The following MYOM1 variants were observed in gnomAD, a reference collection of about 807,000 sequenced individuals.
MYOM1 encodes myomesin 1.
MYOM1 carries 164 observed loss-of-function variants against 205.3 expected under a neutral mutation model. The ratio of observed to expected loss-of-function variants is 0.80; its 90% confidence interval spans 0.70 to 0.91. The LOEUF (loss-of-function observed/expected upper bound fraction) is 0.91. MYOM1 is among the 40% of genes least tolerant of loss of function. The pLI is 0.00. For missense variants in MYOM1, 2,011 were observed against 2,127.3 expected, an observed-to-expected ratio of 0.95 and a Z score of 1.08; for synonymous variants, 772 against 789.4, an observed-to-expected ratio of 0.98 and a Z score of 0.37.
chr18:3,083,788 C>T lies in MYOM1; in HGVS notation c.4484+1G>A, dbSNP rs1351205016. 1.3e-6 allele frequency: 2 copies of T among 1,562,250 alleles called. No individual in the cohort carries two copies. The highest frequency in any genetic ancestry group is 1.4e-5 in the African/African-American group (1 of 73,682). Reference sequence around the variant, plus strand: ...CAGCAAGTAAGTTCTCATTTACTTACTTGTGGGACCAGTTAACTTTCAAAT... The same window carrying T: ...CAGCAAGTAAGTTCTCATTTACTTATTTGTGGGACCAGTTAACTTTCAAAT... On this transcript the variant is annotated splice_donor_variant, in intron 33 of 37. Coordinates refer to ENST00000356443, the MANE Select transcript of MYOM1 (RefSeq NM_003803.4). LOFTEE classifies it high-confidence loss of function.
In MYOM1 at chr18:3,180,732, A is replaced by G. The variant is rs181643116; in HGVS notation, c.930-4598T>C. ...ATTGCTAATGAGCTTTCAGTATACT[A>G]TAAGTTTTTCCAGTGACATTTCCTT... On this transcript the variant is annotated intron_variant, in intron 5 of 37. Coordinates refer to ENST00000356443, the MANE Select transcript of MYOM1 (RefSeq NM_003803.4). Among the ~76,000 whole-genome samples, 6 of 152,292 alleles carry G rather than the reference A, an allele frequency of 3.9e-5. No homozygotes were observed. The South Asian group carries it at 6.2e-4, about 16-fold the overall frequency.
chr18:3,081,525 A>G (rs897925677), intron 33 of MYOM1, among the ~76,000 whole-genome samples: 1 of 152,232 alleles, frequency 6.6e-6, no homozygotes, highest in Non-Finnish European at 1.5e-5. Flanking sequence ...CCTAATAGCA[A>G]TTTCCTCAAA....
At chr18:3,186,794 GAAAGAAAGAGAA>G (rs796460948) in intron 5 of MYOM1, among the ~76,000 whole-genome samples, 1 of 84,852 alleles carries the variant, frequency 1.2e-5, no homozygotes, top group African/African-American at 5.9e-5. Context: ...GAGAGAGAAA[GAAAGAAAGAGAA>G]AGAAAGAAAG....
At chr18:3,190,863 CTTTATG>C (rs974408351) in intron 3 of MYOM1, among the ~76,000 whole-genome samples, 2 of 152,124 alleles carry the variant, frequency 1.3e-5, no homozygotes, top group African/African-American at 4.8e-5. Flanking sequence ...AGTAAGAGAA[CTTTATG>C]TTTAAGTTCT....
chr18:3,104,400 A>G (rs1240911417), intron 22 of MYOM1, among the ~76,000 whole-genome samples: 1 of 152,188 alleles, frequency 6.6e-6, no homozygotes, highest in Admixed American at 6.5e-5. Context: ...TCATTGTTCT[A>G]TCTGTGATCC....
rs1427082650 is a variant in MYOM1, at chr18:3,103,835, C to T, written c.3419-1205G>A. Among the ~76,000 whole-genome samples the T allele has an allele frequency of 2.0e-5, 3 of 152,162 alleles. No homozygotes were observed. The East Asian group carries it at 5.8e-4, about 29-fold the overall frequency. ...GGCAGGATGATCTTGGTTCCTGAGC[C>T]TGATAGTTGATCTAACTTGTGTCCG... On this transcript the variant is annotated intron_variant, in intron 22 of 37. Transcript: ENST00000356443.
chr18:3,116,164 G>A (rs2079602091), intron 21 of MYOM1, among the ~76,000 whole-genome samples, 167 bp downstream of exon 21: 1 of 152,174 alleles, frequency 6.6e-6, no homozygotes, highest in African/African-American at 2.4e-5. Flanking sequence ...ACTCTTTCAA[G>A]CATCAGAAAC....
chr18:3,077,734 C>T (rs1182143812), intron 34 of MYOM1, among the ~76,000 whole-genome samples: 2 of 152,144 alleles, frequency 1.3e-5, no homozygotes, highest in Non-Finnish European at 2.9e-5. Context: ...AAACATTTTC[C>T]ACCCACTGAC....
intron 14 of MYOM1, among the ~76,000 whole-genome samples, chr18:3,140,878 TA>T (rs1224039679): frequency 6.6e-6 from 1 of 152,248 alleles, no homozygotes; most frequent in African/African-American, 2.4e-5. Context: ...CACACAATTT[TA>T]TAAAAATAAA....
At chr18:3,191,181 C>T (rs868186552) in intron 3 of MYOM1, among the ~76,000 whole-genome samples, 5 of 152,110 alleles carry the variant, frequency 3.3e-5, no homozygotes, top group Admixed American at 1.3e-4. Context: ...TAAAATCTCC[C>T]GGTACTCTGC....
At chr18:3,111,831 C>A (rs1209874415) in intron 22 of MYOM1, among the ~76,000 whole-genome samples, 2 of 152,078 alleles carry the variant, frequency 1.3e-5, no homozygotes, top group African/African-American at 4.8e-5. Flanking sequence ...ATTATCTGGC[C>A]CTCCACAGAA....
At position 3,215,135 on chromosome 18, in the gene MYOM1, T is replaced by C; in HGVS notation, c.89A>G (p.Gln30Arg). Reference protein sequence around the residue: ...KDVRSTVSHYQREKKRSAVYT... With the variant: ...KDVRSTVSHYRREKKRSAVYT... The stretch of plus-strand genomic sequence containing the variant: ...GACGGCGGAGCGTTTCTTCTCCCGC[T>C]GGTAGTGACTCACGGTGCTGCGCAC... The change falls in exon 2 of 38, where the codon CAG (glutamine) becomes CGG (arginine). Residue 30 changes from glutamine to arginine, a missense_variant. By Grantham distance (43) the Gln-to-Arg change is conservative. Transcript: ENST00000356443. 1 of 1,613,780 alleles carries C rather than the reference T, an allele frequency of 6.2e-7. No individual in the cohort carries two copies. The highest frequency in any genetic ancestry group is 8.5e-7 in the Non-Finnish European group (1 of 1,179,824).
At chr18:3,236,327 G>C in the MYOM1 span, 22 of 152,250 alleles carry the variant, frequency 1.4e-4, 1 homozygote, top group Non-Finnish European at 2.9e-5. Context: ...GTCCAGGCTT[G>C]AGATGAAAAT....
intron 22 of MYOM1, among the ~76,000 whole-genome samples, chr18:3,110,587 A>G (rs562416669): frequency 1.3e-5 from 2 of 152,342 alleles, no homozygotes; most frequent in Admixed American, 1.3e-4. Flanking sequence ...CAGCACATGT[A>G]CAGAAAAGAC....
chr18:3,083,169 A>G (rs916845724), intron 33 of MYOM1, among the ~76,000 whole-genome samples: 5 of 152,198 alleles, frequency 3.3e-5, no homozygotes, highest in African/African-American at 9.7e-5. Flanking sequence ...TCTATGAATT[A>G]TGGTACTTCT....
intron 13 of MYOM1, among the ~76,000 whole-genome samples, chr18:3,147,953 A>G (rs150297929): frequency 6.6e-6 from 1 of 152,368 alleles, no homozygotes; most frequent in East Asian, 1.9e-4. Context: ...AAGATGCCCA[A>G]TGTCACAAAA....
At chr18:3,082,077 T>C (rs575048186) in intron 33 of MYOM1, among the ~76,000 whole-genome samples, 8 of 152,234 alleles carry the variant, frequency 5.3e-5, no homozygotes, top group African/African-American at 1.9e-4. Context: ...ATCCCTCGCA[T>C]GCGCAGTTCA....
At chr18:3,075,405 G>C in intron 36 of MYOM1, 49 bp downstream of exon 36, 1 of 1,544,644 alleles carries the variant, frequency 6.5e-7, no homozygotes, top group African/African-American at 1.4e-5. Context: ...ATTATCTTTT[G>C]AATCTATCCC....
intron 16 of MYOM1, among the ~76,000 whole-genome samples, chr18:3,133,255 C>G (rs775676050): frequency 8.5e-5 from 13 of 152,122 alleles, no homozygotes; most frequent in African/African-American, 2.7e-4. Context: ...TACTCTCTCA[C>G]GTTCCGCAAA....
Sources: gnomAD v4.1 joint callset for allele counts (sites outside exome capture counted in the v4.1 genomes callset) on GRCh38, gnomAD v4.1.1 for gene constraint, MANE v1.5 for transcripts, NCBI Gene and HGNC (gene_info 2026-07-23, HGNC 2026-07-21) for gene names.